Variants in ACOT13 observed in about 807,000 individuals in gnomAD.
ACOT13 encodes acyl-CoA thioesterase 13.
In ACOT13, 10 loss-of-function variants were observed where a neutral mutation model predicts 11.8. That is an observed-to-expected ratio of 0.85 (90% confidence interval 0.53 to 1.44). The LOEUF is 1.44. ACOT13 is among the 40% of genes most tolerant of loss of function. ACOT13 has a pLI of 0.00. For missense variants in ACOT13, 172 were observed against 174.1 expected, an observed-to-expected ratio of 0.99 and a Z score of 0.07; for synonymous variants, 53 against 61.0, an observed-to-expected ratio of 0.87 and a Z score of 0.61.
At chr6:24,674,187 G>A (rs535083509) in intron 1 of ACOT13, among the ~76,000 whole-genome samples, 132 of 152,116 alleles carry the variant, frequency 8.7e-4, no homozygotes, top group Non-Finnish European at 1.3e-3. Context: ...TCAGCCTCTC[G>A]AGTCGCTGGG....
intron 1 of ACOT13, among the ~76,000 whole-genome samples, chr6:24,678,967 C>T (rs1370917972): frequency 3.9e-5 from 6 of 152,184 alleles, no homozygotes; most frequent in Admixed American, 3.3e-4. Flanking sequence ...CACCCTCAGT[C>T]CTGCTGCTGG....
rs1287331891 is a variant in ACOT13 at position 24,702,676 on chromosome 6, T to C, written c.*1061T>C. The C allele has an allele frequency of 4.6e-5, 7 of 152,056 alleles. No homozygotes were observed. The highest frequency in any genetic ancestry group is 1.4e-4 in the African/African-American group (6 of 41,398). 9.4% of individuals were successfully genotyped at this position (152,056 alleles called of 1,614,324 possible). ...CAAAATATATGAACTACAGCCCATATTGAAAAATAAAATAGATTGAGCCAT... is the reference window on the plus strand; with the variant it reads ...CAAAATATATGAACTACAGCCCATACTGAAAAATAAAATAGATTGAGCCAT... On this transcript the variant is annotated 3_prime_UTR_variant, in exon 3 of 3. Transcript: ENST00000230048.
chr6:24,685,616 G>A (rs887831342), intron 1 of ACOT13, among the ~76,000 whole-genome samples: 2 of 152,108 alleles, frequency 1.3e-5, no homozygotes, highest in Non-Finnish European at 2.9e-5. Context: ...AAAGTGCTGG[G>A]ATTACAGGCG....
intron 1 of ACOT13, among the ~76,000 whole-genome samples, chr6:24,676,400 G>A (rs532597177): frequency 0.027 from 3,828 of 143,406 alleles, 82 homozygotes; most frequent in African/African-American, 0.066. Flanking sequence ...CTTTTATTTC[G>A]TTGAGCAGTG....
chr6:24,698,689 A>G (rs1778839447), intron 2 of ACOT13, among the ~76,000 whole-genome samples: 1 of 147,980 alleles, frequency 6.8e-6, no homozygotes, highest in African/African-American at 2.5e-5. Context: ...CCCAGGCTGG[A>G]GTGCAGCGGC....
chr6:24,699,462 G>GGCCTCCCAAAA (rs1344685854), intron 2 of ACOT13, among the ~76,000 whole-genome samples: 26 of 152,130 alleles, frequency 1.7e-4, no homozygotes, highest in Admixed American at 1.7e-3. Context: ...TGCCCGCCTT[G>GGCCTCCCAAAA]GCCTCCCAAA....
chr6:24,697,641 G>A (rs1000050830), intron 1 of ACOT13, among the ~76,000 whole-genome samples: 1 of 152,188 alleles, frequency 6.6e-6, no homozygotes, highest in African/African-American at 2.4e-5. Context: ...AGCTCAGACT[G>A]AATGTTTAAT....
At chr6:24,669,864 A>G in intron 1 of ACOT13, among the ~76,000 whole-genome samples, 1 of 152,110 alleles carries the variant, frequency 6.6e-6, no homozygotes. Context: ...GGTTGCTGTT[A>G]TTTTCTTCTG....
In ACOT13 at chr6:24,701,508, G is replaced by C. The variant is rs199520410; in HGVS notation, c.316G>C (p.Val106Leu). The change falls in exon 3 of 3, where the codon GTT becomes CTT. Residue 106 changes from valine to leucine, a missense_variant. Transcript: ENST00000230048. Reference sequence around the variant, plus strand: ...AGAAGATATAGTGATTACAGCACATGTTCTGAAGCAAGGAAAAACACTTGC... The same window carrying C: ...AGAAGATATAGTGATTACAGCACATCTTCTGAAGCAAGGAAAAACACTTGC... ...LGEDIVITAH[V>L]LKQGKTLAFT... is the part of the protein sequence containing the mutation. 360 of 1,613,832 alleles carry C rather than the reference G, an allele frequency of 2.2e-4. No individual in the cohort carries two copies. Among genetic ancestry groups the C allele is most frequent in the Middle Eastern group, 9.9e-4 (6 of 6,082 alleles).
chr6:24,681,923 C>T (rs796143600), intron 1 of ACOT13, among the ~76,000 whole-genome samples: 7 of 152,282 alleles, frequency 4.6e-5, no homozygotes, highest in Admixed American at 2.0e-4. Context: ...AAGGTAGGGG[C>T]GCACCCATGG....
chr6:24,679,971 C>A (rs369651608), intron 1 of ACOT13, among the ~76,000 whole-genome samples: 1 of 152,110 alleles, frequency 6.6e-6, no homozygotes, highest in Non-Finnish European at 1.5e-5. Context: ...GGGGCATAAT[C>A]GGGGAATATT....
intron 1 of ACOT13, among the ~76,000 whole-genome samples, chr6:24,693,082 A>G (rs1259447263): frequency 6.6e-6 from 1 of 152,186 alleles, no homozygotes; most frequent in Non-Finnish European, 1.5e-5. Flanking sequence ...GCATTCATAC[A>G]CTGTCCTTAG....
chr6:24,670,527 C>T (rs942900311), intron 1 of ACOT13, among the ~76,000 whole-genome samples: 1 of 152,208 alleles, frequency 6.6e-6, no homozygotes. Flanking sequence ...GGAAAGTACA[C>T]CTTTCCACTC....
At chr6:24,671,971 A>G (rs1221290610) in intron 1 of ACOT13, among the ~76,000 whole-genome samples, 3 of 152,230 alleles carry the variant, frequency 2.0e-5, no homozygotes, top group African/African-American at 7.2e-5. Flanking sequence ...CATATTTGAC[A>G]ATGCTTCCTG....
chr6:24,699,420 C>T (rs1039522591), intron 2 of ACOT13, among the ~76,000 whole-genome samples: 5 of 152,292 alleles, frequency 3.3e-5, no homozygotes, highest in South Asian at 2.1e-4. Flanking sequence ...CCGTGTTAGC[C>T]AGGCTGGTCT....
Position 24,684,711 on chromosome 6 carries a change from C to T in ACOT13, c.82-13172C>T, listed in dbSNP as rs186390660. ...AAATTAATTTTAGTAATACAGGTAA[C>T]AGTATATAAAAAGTGTTAATCAGGC... On this transcript the variant is annotated intron_variant, in intron 1 of 2. Coordinates refer to ENST00000230048, the MANE Select transcript of ACOT13 (RefSeq NM_018473.4). Among the ~76,000 whole-genome samples the T allele has an allele frequency of 1.0e-3, 13 of 12,634 alleles. No individual in the cohort carries two copies. In the Admixed American group the frequency reaches 0.013, roughly 13 times the overall value. The allele number at this position is 12,634 out of a possible 152,430, so 8.3% of individuals were successfully genotyped here. A position where few individuals can be genotyped will look rare whatever the true frequency, so the allele number is the denominator to read the frequency against.
At chr6:24,694,198 C>A (rs1338173155) in intron 1 of ACOT13, among the ~76,000 whole-genome samples, 1 of 152,172 alleles carries the variant, frequency 6.6e-6, no homozygotes, top group Non-Finnish European at 1.5e-5. Flanking sequence ...AATTGTCCAA[C>A]CTGCAGGATC....
intron 1 of ACOT13, among the ~76,000 whole-genome samples, chr6:24,682,659 G>C (rs528456169): frequency 1.3e-5 from 2 of 151,984 alleles, no homozygotes; most frequent in African/African-American, 4.8e-5. Context: ...ATGGGAGTCA[G>C]TGGTGGGTCT....
rs1211993675 is a variant in ACOT13 at position 24,704,509 on chromosome 6, CATCT to C, written c.*2897_*2900del. On this transcript the variant is annotated 3_prime_UTR_variant, in exon 3 of 3. Coordinates refer to ENST00000230048, the MANE Select transcript of ACOT13 (RefSeq NM_018473.4). Reference sequence around the variant, plus strand: ...GCTTGAGCAAGTTACTTAACCTCTGCATCTATTTCCACCAAAGGTTGAGAGGTTA... The same window carrying C: ...GCTTGAGCAAGTTACTTAACCTCTGCATTTCCACCAAAGGTTGAGAGGTTA... 1 of 152,184 alleles carries C rather than the reference CATCT, an allele frequency of 6.6e-6. No homozygotes were observed. The highest frequency in any genetic ancestry group is 1.5e-5 in the Non-Finnish European group (1 of 68,032). The allele number at this position is 152,184 out of a possible 1,614,324, so 9.4% of individuals were successfully genotyped here.
Sources: gnomAD v4.1 joint callset for allele counts (sites outside exome capture counted in the v4.1 genomes callset) on GRCh38, gnomAD v4.1.1 for gene constraint, MANE v1.5 for transcripts, NCBI Gene and HGNC (gene_info 2026-07-23, HGNC 2026-07-21) for gene names.